CSF3R: variants seen among roughly 807,000 people sequenced by gnomAD.
CSF3R encodes colony stimulating factor 3 receptor, also known as granulocyte colony-stimulating factor receptor.
In CSF3R, 52 loss-of-function variants were observed where a neutral mutation model predicts 84.4. That is an observed-to-expected ratio of 0.62 (90% CI 0.49 to 0.78). The LOEUF is 0.78. Ranked by LOEUF, CSF3R falls within the 30% of genes least tolerant of loss-of-function variation. CSF3R has a pLI of 0.00. For synonymous variants in CSF3R, 384 were observed against 429.1 expected (o/e 0.89, Z 1.30); for missense variants, 890 against 1,055.7 (o/e 0.84, Z 2.17).
intron 6 of CSF3R, chr1:36,473,219 T>C: frequency 1.7e-6 from 1 of 600,720 alleles, no homozygotes; most frequent in East Asian, 2.8e-5. Flanking sequence ...CATGACTGAA[T>C]GTGTCTCTTT....
chr1:36,475,329 G>C, intron 4 of CSF3R, 48 bp downstream of exon 4: 1 of 1,605,498 alleles, frequency 6.2e-7, no homozygotes, highest in East Asian at 2.2e-5. Flanking sequence ...ATTAGTATTG[G>C]CAGGAGGGTG....
At chr1:36,476,671 CT>C (rs928425501) in intron 3 of CSF3R, among the ~76,000 whole-genome samples, 23 of 145,176 alleles carry the variant, frequency 1.6e-4, no homozygotes, top group African/African-American at 5.9e-4. Flanking sequence ...TTTTTCTTTT[CT>C]TTTTTTTCTT....
In CSF3R at chr1:36,472,492, C is replaced by G. The variant is rs747781811; in HGVS notation, c.843+25G>C. 28 of 1,614,026 alleles carry G rather than the reference C, an allele frequency of 1.7e-5. No individual in the cohort carries two copies. The African/African-American group carries it at 3.6e-4, about 21-fold the overall frequency. The stretch of plus-strand genomic sequence containing the variant: ...TGCCCCCTGCCCCCACCACCTCAGG[C>G]TCTCCAGGTTGCCCTCTGCCTCACC... On this transcript the variant is annotated intron_variant, in intron 7 of 16. Transcript: ENST00000373106. The surrounding 1 kb of genome is among the most constrained non-coding windows in gnomAD (Gnocchi z 5.0).
rs147017250 is a variant in CSF3R at position 36,466,626 on chromosome 1, C to T, written c.2242G>A (p.Asp748Asn). 58 of 1,614,032 alleles carry T rather than the reference C, an allele frequency of 3.6e-5. No homozygotes were observed. The highest frequency in any genetic ancestry group is 2.4e-4 in the African/African-American group (18 of 75,048). Residue 748 changes from aspartate to asparagine, a missense_variant, in exon 17 of 17, where the codon GAT (aspartate) becomes AAT (asparagine). Asp to Asn is a conservative substitution (Grantham distance 23). Transcript: ENST00000373106. This position sits in a 1 kb window ranked among gnomAD's most constrained non-coding sequence, Gnocchi z 4.6. Reference sequence around the variant, plus strand: ...AGCAGCTGCCCATAAAGGACCTGATCGCTGGTGCCAGACTGGGATTGGGGC... The same window carrying T: ...AGCAGCTGCCCATAAAGGACCTGATTGCTGGTGCCAGACTGGGATTGGGGC... ...TQPQSQSGTS[D>N]QVLYGQLLGS...
rs1354082832 is a variant in CSF3R at position 36,471,662 on chromosome 1, G to A, written c.1072-16C>T. 3 of 1,613,198 alleles carry A rather than the reference G, an allele frequency of 1.9e-6. No individual in the cohort carries two copies. The highest frequency in any genetic ancestry group is 2.2e-5 in the East Asian group (1 of 44,892). On this transcript the variant is annotated splice_polypyrimidine_tract_variant and intron_variant, in intron 9 of 16. Transcript: ENST00000373106. ...GGGGCACTGGCTGTGGGGCACAGGA[G>A]GAAAAAGAGAAGGGGATGTGCAGCT...
chr1:36,470,753 C>T (rs774874218), intron 10 of CSF3R, among the ~76,000 whole-genome samples: 5 of 152,182 alleles, frequency 3.3e-5, no homozygotes, highest in Non-Finnish European at 5.9e-5. Flanking sequence ...GACCAGGTTC[C>T]AAGTGGAAAA....
chr1:36,479,327 G>A (rs1245873043), intron 3 of CSF3R, 106 bp downstream of exon 3: 16 of 1,136,050 alleles, frequency 1.4e-5, no homozygotes, highest in Non-Finnish European at 2.0e-5. Flanking sequence ...AATCTTGTGG[G>A]ATTCTCTGGG....
chr1:36,468,305 T>A, intron 12 of CSF3R, 84 bp from the exon 13 acceptor site: 1 of 1,417,930 alleles, frequency 7.1e-7, no homozygotes, highest in Non-Finnish European at 9.5e-7. Context: ...TCCCAGACAC[T>A]GTGGGGTGGG....
At chr1:36,473,714 C>T in intron 5 of CSF3R, 50 bp downstream of exon 5, 2 of 1,614,098 alleles carry the variant, frequency 1.2e-6, no homozygotes, top group Non-Finnish European at 8.5e-7. Context: ...CTACCCATGC[C>T]CTACCCCAGA....
At position 36,479,554 on chromosome 1, in the gene CSF3R, G is replaced by A. The variant is rs919303558; in HGVS notation, c.-20-38C>T. The A allele has an allele frequency of 7.5e-6, 11 of 1,471,990 alleles. No homozygotes were observed. In the African/African-American group the frequency reaches 1.2e-4, roughly 17 times the overall value. The allele number at this position is 1,471,990 out of a possible 1,614,324, so 91.2% of individuals were successfully genotyped here. A position where few individuals can be genotyped will look rare whatever the true frequency, so the allele number is the denominator to read the frequency against. On this transcript the variant is annotated intron_variant, in intron 2 of 16. Transcript: ENST00000373106. Reference sequence around the variant, plus strand: ...GGGTTGTTTAAGACCATGGGCTTTGGAGTCAGAGCTGATCTTAATCCTTGT... The same window carrying A: ...GGGTTGTTTAAGACCATGGGCTTTGAAGTCAGAGCTGATCTTAATCCTTGT...
chr1:36,472,060 A>AGTCAC lies in CSF3R; in HGVS notation c.1071+1_1071+5dup, dbSNP rs770568094. 9.9e-6 allele frequency: 16 copies of AGTCAC among 1,612,922 alleles called. No homozygotes were observed. In the Admixed American group the frequency reaches 2.5e-4, roughly 25 times the overall value. The stretch of plus-strand genomic sequence containing the variant: ...AGGTGGAGGGATGGCCTTCAGAGGG[A>AGTCAC]GTCACCTTCCAGAACAGCTGCACTG... On this transcript the variant is annotated splice_donor_region_variant and intron_variant, in intron 9 of 16. Transcript: ENST00000373106. This position sits in a 1 kb window ranked among gnomAD's most constrained non-coding sequence, Gnocchi z 5.0.
At chr1:36,479,999 C>T (rs183935160) in intron 2 of CSF3R, 5 of 268,034 alleles carry the variant, frequency 1.9e-5, no homozygotes, top group Admixed American at 1.5e-4. Flanking sequence ...CTATGGACAA[C>T]TGGGGCTCTA....
At chr1:36,473,209 C>G in intron 6 of CSF3R, 2 of 593,206 alleles carry the variant, frequency 3.4e-6, no homozygotes, top group Non-Finnish European at 3.0e-6. Context: ...ACGCTGAAAG[C>G]ATGACTGAAT....
In CSF3R at chr1:36,475,576, A is replaced by C. The variant is rs747575947; in HGVS notation, c.162T>G (p.His54Gln). 2 of 1,613,340 alleles carry C rather than the reference A, an allele frequency of 1.2e-6. No individual in the cohort carries two copies. Among genetic ancestry groups the C allele is most frequent in the South Asian group, 2.2e-5 (2 of 91,066 alleles). ...ACAGAATCTGTGGCTCCGGGTCCAG[A>C]TGGCTGCAGTTCTGCTTGATGATGC... ...ASCIIKQNCS[H>Q]LDPEPQILWR... Residue 54 changes from histidine (H) to glutamine (Q), a missense_variant, in exon 4 of 17, where the codon CAT becomes CAG. Physicochemically the swap from His to Gln is conservative, Grantham distance 24. Transcript: ENST00000373106.
In CSF3R at chr1:36,479,130, A is replaced by G. The variant is rs1222458270; in HGVS notation, c.64+303T>C. 3.5e-5 allele frequency: 16 copies of G among 453,646 alleles called. No individual in the cohort carries two copies. In the Admixed American group the frequency reaches 3.7e-4, roughly 11 times the overall value. 28.1% of individuals were successfully genotyped at this position (453,646 alleles called of 1,614,324 possible). On this transcript the variant is annotated intron_variant, in intron 3 of 16. Coordinates refer to ENST00000373106, the MANE Select transcript of CSF3R (RefSeq NM_000760.4). Reference sequence around the variant, plus strand: ...CATCCTGATCCCTTTGCTGCCCACCAAGGCTGCATAGGACCCATGGGTTGC... The same window carrying G: ...CATCCTGATCCCTTTGCTGCCCACCGAGGCTGCATAGGACCCATGGGTTGC...
Position 36,467,971 on chromosome 1 carries a change from G to A in CSF3R, c.1724-9C>T, listed in dbSNP as rs755404609. 1.2e-6 allele frequency: 2 copies of A among 1,614,072 alleles called. No homozygotes were observed. Among genetic ancestry groups the A allele is most frequent in the African/African-American group, 1.3e-5 (1 of 74,942 alleles). Reference sequence around the variant, plus strand: ...GGCATTCAGGATGGCGGCTGGGAGGGGTGTACGGTCAGCATAGGCCTGGAT... The same window carrying A: ...GGCATTCAGGATGGCGGCTGGGAGGAGTGTACGGTCAGCATAGGCCTGGAT... On this transcript the variant is annotated splice_polypyrimidine_tract_variant and intron_variant, in intron 13 of 16. Coordinates refer to ENST00000373106, the MANE Select transcript of CSF3R (RefSeq NM_000760.4). This position sits in a 1 kb window ranked among gnomAD's most constrained non-coding sequence, Gnocchi z 4.1.
chr1:36,479,939 A>G, intron 2 of CSF3R: 1 of 314,386 alleles, frequency 3.2e-6, no homozygotes. Context: ...AGAATGAAAC[A>G]GGGAAGGAGA....
chr1:36,466,862 A>G lies in CSF3R; in HGVS notation c.2041-35T>C, dbSNP rs148916169. 10,155 of 1,614,068 alleles carry G rather than the reference A, an allele frequency of 6.3e-3. 53 individuals are homozygous for G. The highest frequency in any genetic ancestry group is 6.6e-3 in the Non-Finnish European group (7,768 of 1,180,010). ...AGGATGTGGGGTGAGAGCACGGCTC[A>G]TTTCAGATGTCTGCCCCAGCCACTG... On this transcript the variant is annotated intron_variant, in intron 16 of 16. Coordinates refer to ENST00000373106, the MANE Select transcript of CSF3R (RefSeq NM_000760.4). This position sits in a 1 kb window ranked among gnomAD's most constrained non-coding sequence, Gnocchi z 4.6.
At position 36,475,472 on chromosome 1, in the gene CSF3R, A is replaced by G; in HGVS notation, c.266T>C (p.Leu89Pro). ...GGCCTGAGTGTGGTTGAGGTGGGGC[A>G]GGGTGATGATAGATTCCTGGGTCCC... is the stretch of plus-strand genomic sequence containing the variant. Reference protein sequence around the residue: ...SDGTQESIITLPHLNHTQAFL... With the variant: ...SDGTQESIITPPHLNHTQAFL... The change falls in exon 4 of 17, where the codon CTG becomes CCG. Residue 89 changes from leucine (L) to proline (P), a missense_variant. Transcript: ENST00000373106. 6.2e-7 allele frequency: 1 copy of G among 1,614,190 alleles called. No homozygotes were observed. The highest frequency in any genetic ancestry group is 2.2e-5 in the East Asian group (1 of 44,882).
Sources: allele counts gnomAD v4.1 joint callset (sites outside exome capture counted in the v4.1 genomes callset), GRCh38; gene constraint gnomAD v4.1.1; non-coding constraint Gnocchi (gnomAD v3.1); transcripts MANE v1.5; gene names NCBI Gene and HGNC (gene_info 2026-07-23, HGNC 2026-07-21).